Variants in PALLD observed in about 807,000 individuals in gnomAD.
PALLD encodes the protein palladin, cytoskeletal associated protein.
A neutral mutation model predicts 123.5 loss-of-function variants in PALLD; 61 were observed. That is an observed-to-expected ratio of 0.49 (90% CI 0.40 to 0.61). The LOEUF (loss-of-function observed/expected upper bound fraction) is 0.61, where lower values mean the gene tolerates loss of function less well. Among genes scored for constraint, PALLD ranks in the 20% least tolerant of loss-of-function variants. PALLD has a pLI of 0.00. For missense variants in PALLD, 1,273 were observed against 1,377.0 expected (o/e 0.92, Z 1.20); for synonymous variants, 465 against 496.4 (o/e 0.94, Z 0.84).
At chr4:168,661,005 C>T (rs377440778) in intron 2 of PALLD, among the ~76,000 whole-genome samples, 12 of 151,878 alleles carry the variant, frequency 7.9e-5, no homozygotes, top group Middle Eastern at 3.4e-3. Context: ...CCCGGGTTCA[C>T]GCCATTCTCC....
intron 10 of PALLD, among the ~76,000 whole-genome samples, chr4:168,738,064 T>C (rs892970324): frequency 6.6e-6 from 1 of 152,260 alleles, no homozygotes; most frequent in African/African-American, 2.4e-5. Context: ...CACATTACCT[T>C]TGTCCTAGCC....
At chr4:168,754,614 A>G (rs1731520052) in intron 10 of PALLD, among the ~76,000 whole-genome samples, 1 of 152,194 alleles carries the variant, frequency 6.6e-6, no homozygotes, top group African/African-American at 2.4e-5. Context: ...GAAGAAAAAC[A>G]ATTGTGTGAT....
intron 1 of PALLD, among the ~76,000 whole-genome samples, chr4:168,501,880 C>G (rs886389065): frequency 2.6e-5 from 4 of 152,206 alleles, no homozygotes; most frequent in African/African-American, 9.7e-5. Flanking sequence ...TATATGTCTG[C>G]ACCCTAACAA....
chr4:168,924,511 G>A, intron 19 of PALLD, 91 bp downstream of exon 19: 8 of 1,231,706 alleles, frequency 6.5e-6, no homozygotes, highest in Non-Finnish European at 9.6e-6. Flanking sequence ...AAATCTATGT[G>A]TAAAAGCCAC....
chr4:168,878,163 C>T lies in PALLD; in HGVS notation c.1965-12759C>T, dbSNP rs1349726224. On this transcript the variant is annotated intron_variant, in intron 10 of 21. Transcript: ENST00000505667. ...TCCTCCTCGCCGTCGCCCCCGCCCC[C>T]GCCACCCCCGGTCTTCAGCCCCACG... 4.7e-6 allele frequency: 7 copies of T among 1,492,568 alleles called. No homozygotes were observed. In the South Asian group the frequency reaches 7.5e-5, roughly 16 times the overall value. 92.5% of individuals were successfully genotyped at this position (1,492,568 alleles called of 1,614,324 possible). A position where few individuals can be genotyped will look rare whatever the true frequency, so the allele number is the denominator to read the frequency against.
chr4:168,687,236 T>C (rs1782154027), intron 6 of PALLD, among the ~76,000 whole-genome samples: 1 of 152,190 alleles, frequency 6.6e-6, no homozygotes, highest in South Asian at 2.1e-4. Context: ...GCAGTTATAG[T>C]ATTTCCAGTT....
intron 2 of PALLD, among the ~76,000 whole-genome samples, chr4:168,664,058 T>G (rs1181342670): frequency 6.6e-6 from 1 of 152,222 alleles, no homozygotes; most frequent in African/African-American, 2.4e-5. Context: ...GCAATTCACA[T>G]TTCCTTATTT....
chr4:168,917,256 G>T (rs1760365790), intron 17 of PALLD, among the ~76,000 whole-genome samples: 1 of 151,572 alleles, frequency 6.6e-6, no homozygotes, highest in South Asian at 2.1e-4. Context: ...CACCATATTG[G>T]CCAGGCTGGT....
chr4:168,741,165 T>C (rs920040111), intron 10 of PALLD, among the ~76,000 whole-genome samples: 11 of 152,222 alleles, frequency 7.2e-5, no homozygotes, highest in Admixed American at 1.3e-4. Flanking sequence ...CGGATCACTC[T>C]TATCCAGTTG....
rs556406259 is a variant in PALLD, at chr4:168,913,680, G to C, written c.2623-247G>C. Among the ~76,000 whole-genome samples the C allele has an allele frequency of 2.8e-3, 421 of 151,862 alleles. 3 individuals carry two copies. The highest frequency in any genetic ancestry group is 9.9e-3 in the African/African-American group (409 of 41,420). On this transcript the variant is annotated intron_variant, in intron 15 of 21. Coordinates refer to ENST00000505667, the MANE Select transcript of PALLD (RefSeq NM_001166108.2). ...TTTAAATACCATCCTAGATAAAACA[G>C]TAAAGCTTATTTAAGAGTTCCAAAA...
Position 168,910,220 on chromosome 4 carries a change from C to CT in PALLD, c.2623-3686dup, listed in dbSNP as rs70961563. Among the ~76,000 whole-genome samples, 516 of 113,966 alleles carry CT rather than the reference C, an allele frequency of 4.5e-3. 3 individuals are homozygous for CT. The highest frequency in any genetic ancestry group is 0.011 in the African/African-American group (338 of 31,224). 74.8% of individuals were successfully genotyped at this position (113,966 alleles called of 152,430 possible). ...CCAGAGTAGTATGCCAACCTGTTTA[C>CT]TTTTTTTTTTTTTTTTTTTTTGAGA... On this transcript the variant is annotated intron_variant, in intron 15 of 21. Transcript: ENST00000505667.
chr4:168,578,812 A>T lies in PALLD; in HGVS notation c.908+66400A>T, dbSNP rs180681745. On this transcript the variant is annotated intron_variant, in intron 2 of 21. Transcript: ENST00000505667. Reference sequence around the variant, plus strand: ...GGATAGATAGATAGTCCCAGTGCTTAAAAAAAAACCTATAGTAAAGAAAGT... The same window carrying T: ...GGATAGATAGATAGTCCCAGTGCTTTAAAAAAAACCTATAGTAAAGAAAGT... Among the ~76,000 whole-genome samples, 11 of 125,282 alleles carry T rather than the reference A, an allele frequency of 8.8e-5. No individual in the cohort carries two copies. The East Asian group carries it at 2.0e-3, about 23-fold the overall frequency. 82.2% of individuals were successfully genotyped at this position (125,282 alleles called of 152,430 possible).
intron 10 of PALLD, among the ~76,000 whole-genome samples, chr4:168,849,269 G>A (rs1205111234): frequency 6.6e-6 from 1 of 152,238 alleles, no homozygotes; most frequent in African/African-American, 2.4e-5. Context: ...CCTGGTGCAA[G>A]CACCAGCTTT....
intron 10 of PALLD, among the ~76,000 whole-genome samples, chr4:168,875,916 G>A (rs1257223650): frequency 6.6e-5 from 10 of 152,216 alleles, no homozygotes; most frequent in African/African-American, 9.6e-5. Context: ...GTGATATGAT[G>A]TCTGTAGCTA....
chr4:168,672,403 TCTC>T (rs1394169811), intron 3 of PALLD, among the ~76,000 whole-genome samples: 3 of 151,918 alleles, frequency 2.0e-5, no homozygotes, highest in Non-Finnish European at 4.4e-5. Context: ...ATTCCCCCCT[TCTC>T]CTTCCCCTTT....
At chr4:168,516,014 C>A (rs1466635579) in intron 2 of PALLD, among the ~76,000 whole-genome samples, 1 of 152,206 alleles carries the variant, frequency 6.6e-6, no homozygotes, top group Non-Finnish European at 1.5e-5. Flanking sequence ...ATTTGTACTT[C>A]ACATGCAGTC....
chr4:168,543,379 C>T (rs1765831909), intron 2 of PALLD, among the ~76,000 whole-genome samples: 1 of 150,050 alleles, frequency 6.7e-6, no homozygotes, highest in South Asian at 2.1e-4. Context: ...GCAGGGACTA[C>T]AGTTAAGTTT....
At chr4:168,836,631 CAG>C (rs1745233158) in intron 10 of PALLD, among the ~76,000 whole-genome samples, 1 of 152,138 alleles carries the variant, frequency 6.6e-6, no homozygotes, top group Admixed American at 6.5e-5. Flanking sequence ...ATCAGGCAAA[CAG>C]AGATGAAGTA....
At chr4:168,837,468 G>A (rs938682601) in intron 10 of PALLD, among the ~76,000 whole-genome samples, 7 of 152,224 alleles carry the variant, frequency 4.6e-5, no homozygotes, top group South Asian at 2.1e-4. Context: ...TCTACTGAAT[G>A]TCCAAACCAG....
Sources: allele counts gnomAD v4.1 joint callset (sites outside exome capture counted in the v4.1 genomes callset), GRCh38; gene constraint gnomAD v4.1.1; transcripts MANE v1.5; gene names NCBI Gene and HGNC (gene_info 2026-07-23, HGNC 2026-07-21).